Variants in MTUS2 observed in about 807,000 individuals in gnomAD.
The protein encoded by MTUS2 is microtubule-associated tumor suppressor candidate 2.
In MTUS2, 40 loss-of-function variants were observed where a neutral mutation model predicts 114.1. That is an observed-to-expected ratio of 0.35 (90% CI 0.27 to 0.46). The LOEUF (loss-of-function observed/expected upper bound fraction) is 0.46, where lower values mean the gene tolerates loss of function less well. Among genes scored for constraint, MTUS2 ranks in the 20% least tolerant of loss-of-function variants. The pLI is 1.00. For missense variants in MTUS2, 1,679 were observed against 1,705.4 expected, an observed-to-expected ratio of 0.98 and a Z score of 0.27; for synonymous variants, 688 against 672.0, an observed-to-expected ratio of 1.02 and a Z score of -0.37.
intron 6 of MTUS2, among the ~76,000 whole-genome samples, chr13:29,299,762 A>G (rs1899111732): frequency 6.6e-6 from 1 of 152,170 alleles, no homozygotes; most frequent in South Asian, 2.1e-4. Flanking sequence ...TACGGCTGCT[A>G]ACAATTAGAT....
intron 4 of MTUS2, among the ~76,000 whole-genome samples, chr13:29,077,076 T>C (rs1026468285): frequency 2.0e-5 from 3 of 152,338 alleles, no homozygotes; most frequent in Non-Finnish European, 4.4e-5. Flanking sequence ...CTTGAGATTA[T>C]ACACTTGCTA....
At chr13:28,822,806 ATTAAC>A (rs1813256226) in intron 1 of MTUS2, among the ~76,000 whole-genome samples, 1 of 152,186 alleles carries the variant, frequency 6.6e-6, no homozygotes, top group African/African-American at 2.4e-5. Context: ...GTGTTCAAGT[ATTAAC>A]TTATAAAATT....
chr13:29,283,302 G>A (rs1898349689), intron 6 of MTUS2, among the ~76,000 whole-genome samples: 2 of 152,096 alleles, frequency 1.3e-5, no homozygotes, highest in African/African-American at 4.8e-5. Flanking sequence ...CTTCCTCAGG[G>A]GAAGGTAAGC....
intron 9 of MTUS2, among the ~76,000 whole-genome samples, chr13:29,466,483 A>G (rs1879892870): frequency 6.6e-6 from 1 of 152,232 alleles, no homozygotes; most frequent in Non-Finnish European, 1.5e-5. Flanking sequence ...TTGATAAGGA[A>G]AATCATGCCT....
intron 8 of MTUS2, among the ~76,000 whole-genome samples, chr13:29,423,136 TCCTCTA>T (rs1876244694): frequency 6.6e-6 from 1 of 152,194 alleles, no homozygotes; most frequent in African/African-American, 2.4e-5. Context: ...TGAGTATTTT[TCCTCTA>T]CCTGGAATTT....
chr13:28,856,441 G>C (rs1876634049), intron 2 of MTUS2, among the ~76,000 whole-genome samples: 1 of 152,196 alleles, frequency 6.6e-6, no homozygotes, highest in African/African-American at 2.4e-5. Flanking sequence ...TTCATAGCTG[G>C]TCAGACTGGG....
At chr13:28,916,172 C>T (rs1241142193) in intron 2 of MTUS2, among the ~76,000 whole-genome samples, 5 of 151,676 alleles carry the variant, frequency 3.3e-5, no homozygotes, top group South Asian at 4.1e-4. Context: ...GTTTTTATGC[C>T]AGTAACATAC....
chr13:29,404,108 C>G (rs1164109381), intron 8 of MTUS2, among the ~76,000 whole-genome samples: 7 of 150,920 alleles, frequency 4.6e-5, no homozygotes, highest in Non-Finnish European at 1.0e-4. Flanking sequence ...ACCGATCTGA[C>G]CATGTCCCTC....
intron 10 of MTUS2, among the ~76,000 whole-genome samples, chr13:29,485,593 G>A (rs1001940702): frequency 6.6e-5 from 10 of 152,086 alleles, no homozygotes; most frequent in Non-Finnish European, 1.2e-4. Flanking sequence ...AAAGCACCTC[G>A]GAAAGGTTGT....
intron 8 of MTUS2, among the ~76,000 whole-genome samples, chr13:29,422,648 CTTTTTTTTTTTTT>C (rs11342823): frequency 1.3e-4 from 9 of 67,968 alleles, no homozygotes; most frequent in African/African-American, 1.2e-4. Context: ...GATTTCTTTT[CTTTTTTTTTTTTT>C]TTTTTTTTTT....
chr13:28,966,596 A>G (rs79749038), intron 2 of MTUS2, among the ~76,000 whole-genome samples: 11 of 151,852 alleles, frequency 7.2e-5, no homozygotes, highest in Admixed American at 6.6e-5. Context: ...ATAGTGGTAC[A>G]TGTCTGCAGT....
chr13:29,441,721 G>A (rs564476724), intron 9 of MTUS2, among the ~76,000 whole-genome samples: 6 of 152,208 alleles, frequency 3.9e-5, no homozygotes, highest in South Asian at 4.1e-4. Flanking sequence ...CCCTTCACCC[G>A]TGGAGCCATG....
intron 2 of MTUS2, among the ~76,000 whole-genome samples, chr13:28,966,657 C>A (rs1273193851): frequency 2.1e-5 from 3 of 145,082 alleles, no homozygotes; most frequent in Non-Finnish European, 4.5e-5. Flanking sequence ...CCTAGGAGGT[C>A]CATGCTGCAG....
At chr13:29,221,429 A>C (rs1384860428) in intron 5 of MTUS2, among the ~76,000 whole-genome samples, 1 of 152,192 alleles carries the variant, frequency 6.6e-6, no homozygotes, top group Non-Finnish European at 1.5e-5. Context: ...AGCAGTGTAG[A>C]TGGTATCTTA....
intron 4 of MTUS2, chr13:29,072,165 T>G (rs995491090): frequency 6.6e-6 from 1 of 152,246 alleles, no homozygotes; most frequent in African/African-American, 2.4e-5. Context: ...GTGACATATC[T>G]AGCTCAGTAA....
chr13:29,012,861 G>A (rs879903241), intron 2 of MTUS2, among the ~76,000 whole-genome samples: 8 of 151,724 alleles, frequency 5.3e-5, no homozygotes, highest in Non-Finnish European at 1.0e-4. Flanking sequence ...GTGACAGAGC[G>A]AGACTACATC....
chr13:29,008,352 A>G (rs1161334498), intron 2 of MTUS2, among the ~76,000 whole-genome samples: 1 of 152,166 alleles, frequency 6.6e-6, no homozygotes, highest in Non-Finnish European at 1.5e-5. Context: ...GCAATCAACC[A>G]AGCACCTCAG....
chr13:28,902,844 G>C (rs192782309), intron 2 of MTUS2, among the ~76,000 whole-genome samples: 1 of 152,008 alleles, frequency 6.6e-6, no homozygotes, highest in Non-Finnish European at 1.5e-5. Flanking sequence ...AGAATGATTT[G>C]GGAAGTGTTT....
intron 7 of MTUS2, among the ~76,000 whole-genome samples, chr13:29,346,246 A>G (rs879623147): frequency 7.2e-5 from 11 of 152,110 alleles, no homozygotes; most frequent in Non-Finnish European, 1.6e-4. Context: ...TAGGTGGTGG[A>G]CAGGGCCATA....
Sources: gnomAD v4.1 joint callset for allele counts (sites outside exome capture counted in the v4.1 genomes callset) on GRCh38, gnomAD v4.1.1 for gene constraint, MANE v1.5 for transcripts, NCBI Gene and HGNC (gene_info 2026-07-23, HGNC 2026-07-21) for gene names.